SAMD13: variants seen among roughly 807,000 people sequenced by gnomAD.
SAMD13 encodes sterile alpha motif domain-containing protein 13.
Under a neutral mutation model 12.4 loss-of-function variants are expected in SAMD13, and 9 were observed. The ratio of observed to expected loss-of-function variants is 0.72; its 90% confidence interval spans 0.44 to 1.26. The LOEUF is 1.26. Ranked by LOEUF, SAMD13 falls within the 50% of genes most tolerant of loss-of-function variation. The pLI is 0.00. For missense variants in SAMD13, 84 were observed against 119.6 expected (o/e 0.70, Z 1.39); for synonymous variants, 46 against 45.4 (o/e 1.01, Z -0.05).
chr1:84,332,251 G>A (rs962314498), intron 3 of SAMD13, among the ~76,000 whole-genome samples: 14 of 152,176 alleles, frequency 9.2e-5, no homozygotes, highest in Non-Finnish European at 1.3e-4. Flanking sequence ...AATATACCCA[G>A]TAATGGGATT....
At chr1:84,322,516 G>T (rs1678967090) in intron 2 of SAMD13, among the ~76,000 whole-genome samples, 1 of 152,146 alleles carries the variant, frequency 6.6e-6, no homozygotes, top group African/African-American at 2.4e-5. Context: ...TTAGTCCATT[G>T]TAATACTTTG....
chr1:84,310,760 A>G lies in SAMD13; in HGVS notation c.53+7473A>G, dbSNP rs999755944. 5.3e-5 allele frequency among the ~76,000 whole-genome samples: 8 copies of G among 152,354 alleles called. No individual in the cohort carries two copies. The East Asian group carries it at 1.5e-3, about 29-fold the overall frequency. On this transcript the variant is annotated intron_variant, in intron 2 of 3. Transcript: ENST00000394834. ...CAATTTGCTAACACATGTCAATATT[A>G]CCAACATTGAATTCAAAGGGGTTTT...
chr1:84,309,675 A>G (rs1264725739), intron 2 of SAMD13, among the ~76,000 whole-genome samples: 1 of 152,150 alleles, frequency 6.6e-6, no homozygotes, highest in Non-Finnish European at 1.5e-5. Context: ...ATTTAATTTT[A>G]TATTCAGAGT....
At chr1:84,300,527 A>G (rs1041960443), upstream of SAMD13, among the ~76,000 whole-genome samples, 4 of 152,238 alleles carry the variant, frequency 2.6e-5, no homozygotes, top group African/African-American at 9.6e-5. Flanking sequence ...TCTACAGGAT[A>G]TTACAGCAAG....
chr1:84,329,478 T>G (rs1679130058), intron 3 of SAMD13, among the ~76,000 whole-genome samples: 1 of 152,176 alleles, frequency 6.6e-6, no homozygotes, highest in African/African-American at 2.4e-5. Context: ...CAACTAGACT[T>G]GGATGTGGCT....
chr1:84,344,076 G>T (rs1570264240), intron 3 of SAMD13, among the ~76,000 whole-genome samples: 1 of 141,922 alleles, frequency 7.0e-6, no homozygotes, highest in East Asian at 2.0e-4. Flanking sequence ...TTGTTTTTTT[G>T]GCTTTTTTTT....
chr1:84,340,945 G>T (rs915525319), intron 3 of SAMD13, among the ~76,000 whole-genome samples: 1 of 152,172 alleles, frequency 6.6e-6, no homozygotes, highest in African/African-American at 2.4e-5. Context: ...TCCCATGATG[G>T]CCCTAATAGA....
chr1:84,326,644 C>T (rs922345481), intron 3 of SAMD13, among the ~76,000 whole-genome samples: 47 of 152,140 alleles, frequency 3.1e-4, no homozygotes, highest in African/African-American at 9.4e-4. Flanking sequence ...TCTCTACCAA[C>T]GAAGGCTGCA....
chr1:84,315,365 C>G (rs1200174398), intron 2 of SAMD13, among the ~76,000 whole-genome samples: 1 of 152,156 alleles, frequency 6.6e-6, no homozygotes, highest in Non-Finnish European at 1.5e-5. Flanking sequence ...TTGGTTATTT[C>G]ACTTAGCACA....
intron 2 of SAMD13, among the ~76,000 whole-genome samples, chr1:84,319,453 C>A (rs139673619): frequency 6.8e-4 from 104 of 152,038 alleles, no homozygotes; most frequent in African/African-American, 2.3e-3. Flanking sequence ...GAAACCCCAT[C>A]TCTACTAAAA....
intron 3 of SAMD13, among the ~76,000 whole-genome samples, chr1:84,334,922 T>TA (rs1285450165): frequency 6.6e-6 from 1 of 152,290 alleles, no homozygotes; most frequent in East Asian, 1.9e-4. Flanking sequence ...ACAGTTGGTA[T>TA]AATTTCCCTT....
chr1:84,342,628 T>C (rs1299437828), intron 3 of SAMD13, among the ~76,000 whole-genome samples: 3 of 152,154 alleles, frequency 2.0e-5, no homozygotes, highest in Non-Finnish European at 4.4e-5. Context: ...ATTTAATAAA[T>C]GGTGCTGGGA....
chr1:84,317,409 T>C (rs1678858278), intron 2 of SAMD13, among the ~76,000 whole-genome samples: 1 of 152,120 alleles, frequency 6.6e-6, no homozygotes, highest in Admixed American at 6.5e-5. Flanking sequence ...GATTTTTTTT[T>C]TATCATGAAA....
chr1:84,349,913 T>A lies in SAMD13; in HGVS notation c.*139T>A. ...TCAAATGAAACGTTATCCTATTGGA[T>A]AGACTAGGCAATTCATCAGCTCACC... On this transcript the variant is annotated 3_prime_UTR_variant, in exon 4 of 4. Transcript: ENST00000394834. The A allele has an allele frequency of 1.5e-6, 2 of 1,372,914 alleles. No homozygotes were observed. Among genetic ancestry groups the A allele is most frequent in the Non-Finnish European group, 1.9e-6 (2 of 1,063,718 alleles). The allele number at this position is 1,372,914 out of a possible 1,614,324, so 85.0% of individuals were successfully genotyped here. A position where few individuals can be genotyped will look rare whatever the true frequency, so the allele number is the denominator to read the frequency against.
At chr1:84,331,492 C>G (rs963565314) in intron 3 of SAMD13, among the ~76,000 whole-genome samples, 41 of 152,034 alleles carry the variant, frequency 2.7e-4, no homozygotes, top group African/African-American at 9.9e-4. Flanking sequence ...CTAATAATAC[C>G]AAGTATTGAA....
intron 3 of SAMD13, among the ~76,000 whole-genome samples, chr1:84,336,852 C>G (rs1292999246): frequency 1.3e-5 from 2 of 152,172 alleles, no homozygotes; most frequent in Non-Finnish European, 2.9e-5. Flanking sequence ...TTAGTTACTT[C>G]CTAGATACAG....
Position 84,350,024 on chromosome 1 carries a change from A to C in SAMD13, c.*250A>C. 1 of 537,670 alleles carries C rather than the reference A, an allele frequency of 1.9e-6. No homozygotes were observed. The highest frequency in any genetic ancestry group is 2.7e-6 in the Non-Finnish European group (1 of 369,202). 33.3% of individuals were successfully genotyped at this position (537,670 alleles called of 1,614,324 possible). On this transcript the variant is annotated 3_prime_UTR_variant, in exon 4 of 4. Transcript: ENST00000394834. ...TGTCAAATAGATGATCTTTGACACGATTAGACACTCCTCCCCACAAAGGCT... is the reference window on the plus strand; with the variant it reads ...TGTCAAATAGATGATCTTTGACACGCTTAGACACTCCTCCCCACAAAGGCT...
intron 2 of SAMD13, among the ~76,000 whole-genome samples, chr1:84,313,479 T>C (rs1032885672): frequency 5.3e-5 from 8 of 152,288 alleles, no homozygotes; most frequent in South Asian, 4.1e-4. Flanking sequence ...CAATTTTTTT[T>C]CCCCATTTGC....
intron 3 of SAMD13, among the ~76,000 whole-genome samples, chr1:84,326,377 T>C (rs1029571486): frequency 1.3e-5 from 2 of 152,206 alleles, no homozygotes; most frequent in Non-Finnish European, 2.9e-5. Context: ...ACACAGTGCC[T>C]ATGATAGGTT....
Sources: allele counts gnomAD v4.1 joint callset (sites outside exome capture counted in the v4.1 genomes callset), GRCh38; gene constraint gnomAD v4.1.1; transcripts MANE v1.5; gene names NCBI Gene and HGNC (gene_info 2026-07-23, HGNC 2026-07-21).